RAB2A: variants seen among roughly 807,000 people sequenced by gnomAD.
RAB2A encodes the protein RAB2A, member RAS oncogene family.
Under a neutral mutation model 32.5 loss-of-function variants are expected in RAB2A, and 7 were observed. The ratio of observed to expected loss-of-function variants is 0.22; its 90% CI spans 0.12 to 0.40. RAB2A has a LOEUF of 0.40. Ranked by LOEUF, RAB2A falls within the 10% of genes least tolerant of loss-of-function variation. The pLI is 1.00. For synonymous variants in RAB2A, 79 were observed against 85.2 expected (o/e 0.93, Z 0.40); for missense variants, 108 against 260.7 (o/e 0.41, Z 4.03).
At chr8:60,596,008 A>T (rs1332829715) in intron 6 of RAB2A, among the ~76,000 whole-genome samples, 1 of 152,244 alleles carries the variant, frequency 6.6e-6, no homozygotes, top group African/African-American at 2.4e-5. Context: ...TACAAAAAAC[A>T]CATTGAACTG....
At chr8:60,549,317 G>A (rs922174143) in intron 1 of RAB2A, among the ~76,000 whole-genome samples, 3 of 152,168 alleles carry the variant, frequency 2.0e-5, no homozygotes, top group East Asian at 3.9e-4. Flanking sequence ...GTAGCGAGCC[G>A]AGATCACGCC....
chr8:60,594,704 T>A (rs1398946008), intron 6 of RAB2A, among the ~76,000 whole-genome samples: 1 of 152,200 alleles, frequency 6.6e-6, no homozygotes, highest in Non-Finnish European at 1.5e-5. Flanking sequence ...CATTGTTCAG[T>A]TCCCACCTAT....
rs79502934 is a variant in RAB2A, at chr8:60,621,540, A to G, written c.*771A>G. ...TTCAGAAAGGGATTTGTTTGCCTTA[A>G]TGAATACTGTTGGGAAAAAACACAG... On this transcript the variant is annotated 3_prime_UTR_variant, in exon 8 of 8. Transcript: ENST00000262646. 2.0e-5 allele frequency: 3 copies of G among 152,326 alleles called. No individual in the cohort carries two copies. In the East Asian group the frequency reaches 5.8e-4, roughly 29 times the overall value. 9.4% of individuals were successfully genotyped at this position (152,326 alleles called of 1,614,324 possible). A position where few individuals can be genotyped will look rare whatever the true frequency, so the allele number is the denominator to read the frequency against.
chr8:60,552,212 A>G (rs1191305801), intron 1 of RAB2A, among the ~76,000 whole-genome samples: 2 of 151,936 alleles, frequency 1.3e-5, no homozygotes, highest in Admixed American at 6.6e-5. Flanking sequence ...CATGTTGGCC[A>G]GGCTGGTCTT....
Position 60,523,283 on chromosome 8 carries a change from G to A in RAB2A, c.46+6030G>A, listed in dbSNP as rs376842816. Among the ~76,000 whole-genome samples the A allele has an allele frequency of 8.3e-3, 1,251 of 150,288 alleles. 14 individuals carry two copies. Among genetic ancestry groups the A allele is most frequent in the African/African-American group, 0.028 (1,128 of 40,850 alleles). ...CGCCATTCTCCTGCCTCAGCCTCCC[G>A]AATAGCTGGGACTACAGGCGCCCGC... is the stretch of plus-strand genomic sequence containing the variant. On this transcript the variant is annotated intron_variant, in intron 1 of 7. Coordinates refer to ENST00000262646, the MANE Select transcript of RAB2A (RefSeq NM_002865.3).
At chr8:60,558,968 G>C in intron 2 of RAB2A, 45 bp downstream of exon 2, 1 of 1,422,718 alleles carries the variant, frequency 7.0e-7, no homozygotes, top group Non-Finnish European at 9.9e-7. Flanking sequence ...GTTTTGGATA[G>C]TTTAAATGGA....
intron 6 of RAB2A, among the ~76,000 whole-genome samples, chr8:60,617,860 A>G (rs1448048519): frequency 6.6e-6 from 1 of 152,222 alleles, no homozygotes; most frequent in Non-Finnish European, 1.5e-5. Flanking sequence ...CCTCATACTC[A>G]TTAGCATTCT....
intron 6 of RAB2A, among the ~76,000 whole-genome samples, chr8:60,611,508 G>A (rs1586115547): frequency 1.3e-5 from 2 of 152,144 alleles, no homozygotes; most frequent in African/African-American, 4.8e-5. Flanking sequence ...TTCTATGTTC[G>A]CATATTGGAT....
At chr8:60,526,022 T>TATATAC (rs1563458380) in intron 1 of RAB2A, among the ~76,000 whole-genome samples, 1 of 54,630 alleles carries the variant, frequency 1.8e-5, no homozygotes, top group African/African-American at 9.0e-5. Context: ...TGTGTGTACA[T>TATATAC]ATATATATAT....
At chr8:60,606,409 C>T (rs964339007) in intron 6 of RAB2A, among the ~76,000 whole-genome samples, 3 of 152,058 alleles carry the variant, frequency 2.0e-5, no homozygotes, top group Non-Finnish European at 4.4e-5. Flanking sequence ...ATATTGGTAC[C>T]CAGATCCTTT....
intron 1 of RAB2A, among the ~76,000 whole-genome samples, chr8:60,535,005 A>T (rs1807536602): frequency 6.6e-6 from 1 of 152,074 alleles, no homozygotes; most frequent in African/African-American, 2.4e-5. Flanking sequence ...TAGAAAAATC[A>T]TGTTGGACTT....
rs1029138870 is a variant in RAB2A, at chr8:60,620,976, C to T, written c.*207C>T. ...TGGAGATTGTATTCATATCTATTTG[C>T]ATTTGATTTCTAGGTCAATTGATGT... On this transcript the variant is annotated 3_prime_UTR_variant, in exon 8 of 8. Coordinates refer to ENST00000262646, the MANE Select transcript of RAB2A (RefSeq NM_002865.3). The T allele has an allele frequency of 8.2e-6, 4 of 487,268 alleles. No homozygotes were observed. Among genetic ancestry groups the T allele is most frequent in the Non-Finnish European group, 1.4e-5 (4 of 276,986 alleles). The allele number at this position is 487,268 out of a possible 1,614,324, so 30.2% of individuals were successfully genotyped here.
chr8:60,549,983 T>A (rs1475305482), intron 1 of RAB2A, among the ~76,000 whole-genome samples: 1 of 152,248 alleles, frequency 6.6e-6, no homozygotes, highest in Non-Finnish European at 1.5e-5. Context: ...ACATGGGCTA[T>A]GTCTCAGTCT....
intron 2 of RAB2A, among the ~76,000 whole-genome samples, chr8:60,569,353 A>G (rs1030508888): frequency 6.6e-6 from 1 of 152,116 alleles, no homozygotes; most frequent in African/African-American, 2.4e-5. Context: ...TGATAAGTGA[A>G]GTTAAGATGT....
intron 2 of RAB2A, among the ~76,000 whole-genome samples, chr8:60,560,568 A>G (rs1176581710): frequency 1.3e-5 from 2 of 152,152 alleles, no homozygotes; most frequent in East Asian, 3.8e-4. Flanking sequence ...ATAAATTTCT[A>G]AGTTGGTATG....
chr8:60,559,045 C>A, intron 2 of RAB2A, 122 bp downstream of exon 2: 1 of 668,842 alleles, frequency 1.5e-6, no homozygotes, highest in South Asian at 1.9e-5. Context: ...TGTTGTTACG[C>A]TGTTTAATCT....
intron 1 of RAB2A, among the ~76,000 whole-genome samples, chr8:60,545,338 A>G (rs1163736843): frequency 6.6e-6 from 1 of 152,052 alleles, no homozygotes; most frequent in African/African-American, 2.4e-5. Flanking sequence ...AAGGTTTCAC[A>G]CTGTCACCCA....
chr8:60,620,130 G>T (rs554138547), intron 7 of RAB2A, among the ~76,000 whole-genome samples: 1 of 152,358 alleles, frequency 6.6e-6, no homozygotes, highest in African/African-American at 2.4e-5. Context: ...ATCCACTTGA[G>T]GGAGTGAGGG....
intron 6 of RAB2A, 39 bp from the exon 7 acceptor site, chr8:60,618,541 T>C: frequency 9.7e-7 from 1 of 1,036,234 alleles, no homozygotes; most frequent in Non-Finnish European, 1.3e-6. Flanking sequence ...TTTACTGCTT[T>C]GGTTTTATAT....
Sources: allele counts gnomAD v4.1 joint callset (sites outside exome capture counted in the v4.1 genomes callset), GRCh38; gene constraint gnomAD v4.1.1; transcripts MANE v1.5; gene names NCBI Gene and HGNC (gene_info 2026-07-23, HGNC 2026-07-21).